The following LYPD6B variants were observed in gnomAD, a reference collection of about 807,000 sequenced individuals.
The protein encoded by LYPD6B is LY6/PLAUR domain containing 6B.
In LYPD6B, 17 loss-of-function variants were observed where a neutral mutation model predicts 22.8. The observed-to-expected ratio is 0.75, with a 90% CI of 0.51 to 1.12. The LOEUF is 1.12. LYPD6B is among the 50% of genes most tolerant of loss of function. LYPD6B has a pLI of 0.00. For synonymous variants in LYPD6B, 106 were observed against 91.6 expected (o/e 1.16, Z -0.90); for missense variants, 221 against 258.3 (o/e 0.86, Z 0.99).
At chr2:149,047,378 A>G (rs964731227) in intron 1 of LYPD6B, among the ~76,000 whole-genome samples, 3 of 152,130 alleles carry the variant, frequency 2.0e-5, no homozygotes, top group Non-Finnish European at 4.4e-5. Flanking sequence ...ATGGGTTGAC[A>G]ATTTAAAAAA....
chr2:149,157,774 T>A (rs190787466), intron 2 of LYPD6B, among the ~76,000 whole-genome samples: 16 of 152,324 alleles, frequency 1.1e-4, no homozygotes, highest in Admixed American at 1.0e-3. Context: ...TGAGGACCTA[T>A]GTTTGCACAC....
At chr2:149,098,472 A>G (rs1686011825) in intron 1 of LYPD6B, among the ~76,000 whole-genome samples, 1 of 151,736 alleles carries the variant, frequency 6.6e-6, no homozygotes, top group Non-Finnish European at 1.5e-5. Flanking sequence ...TAAAAATACG[A>G]AAAAATTAGC....
At chr2:149,111,409 A>C (rs1472897788) in intron 1 of LYPD6B, among the ~76,000 whole-genome samples, 1 of 152,114 alleles carries the variant, frequency 6.6e-6, no homozygotes, top group East Asian at 1.9e-4. Flanking sequence ...ATGAAAAATC[A>C]GTCTGATTTG....
chr2:149,208,711 A>T (rs1238264172), intron 5 of LYPD6B, among the ~76,000 whole-genome samples: 1 of 152,226 alleles, frequency 6.6e-6, no homozygotes, highest in Non-Finnish European at 1.5e-5. Flanking sequence ...CATCTCAACA[A>T]AGGATGATTT....
intron 2 of LYPD6B, among the ~76,000 whole-genome samples, chr2:149,143,435 C>T (rs559702763): frequency 1.7e-4 from 26 of 149,114 alleles, no homozygotes; most frequent in African/African-American, 5.7e-4. Context: ...TGAGAGAAAA[C>T]TACAAGACTA....
chr2:149,161,176 C>T (rs1425920603), intron 3 of LYPD6B, among the ~76,000 whole-genome samples: 2 of 152,018 alleles, frequency 1.3e-5, no homozygotes, highest in Non-Finnish European at 2.9e-5. Flanking sequence ...GATGGGGGTG[C>T]GTCGGGGGTG....
chr2:149,175,368 T>TA (rs1691220395), intron 3 of LYPD6B, among the ~76,000 whole-genome samples: 1 of 152,016 alleles, frequency 6.6e-6, no homozygotes, highest in South Asian at 2.1e-4. Context: ...GTATGAAAGA[T>TA]AAAAAATGGT....
rs372887157 is a variant in LYPD6B, at chr2:149,111,175, G to A, written c.-66-19708G>A. Among the ~76,000 whole-genome samples the A allele has an allele frequency of 1.1e-4, 17 of 152,254 alleles. 1 individual carries two copies. Among genetic ancestry groups the A allele is most frequent in the East Asian group, 9.7e-4 (5 of 5,174 alleles). On this transcript the variant is annotated intron_variant, in intron 1 of 6. Coordinates refer to ENST00000409642, the MANE Select transcript of LYPD6B (RefSeq NM_177964.5). ...GACCCCCAGGAGGATGGGGGATCACGTAAGGTTTTGCTGAAGGTGGTAAGA... is the reference window on the plus strand; with the variant it reads ...GACCCCCAGGAGGATGGGGGATCACATAAGGTTTTGCTGAAGGTGGTAAGA...
chr2:149,075,241 A>G (rs34673383), intron 1 of LYPD6B, among the ~76,000 whole-genome samples: 56,747 of 152,024 alleles, frequency 0.37, 10,772 homozygotes, highest in South Asian at 0.44. Context: ...TTTGGCACTC[A>G]CTGTTGCTTC....
intron 1 of LYPD6B, among the ~76,000 whole-genome samples, chr2:149,116,487 T>TCTC (rs1248042028): frequency 6.6e-6 from 1 of 152,172 alleles, no homozygotes; most frequent in Non-Finnish European, 1.5e-5. Flanking sequence ...TAGTGAGATA[T>TCTC]CTCCTAACCC....
At chr2:149,060,471 A>G (rs1453253231) in intron 1 of LYPD6B, among the ~76,000 whole-genome samples, 1 of 152,232 alleles carries the variant, frequency 6.6e-6, no homozygotes, top group East Asian at 1.9e-4. Flanking sequence ...AATCTCCTAC[A>G]CTGTGTATTA....
intron 1 of LYPD6B, among the ~76,000 whole-genome samples, chr2:149,130,211 C>T (rs1280535877): frequency 6.6e-6 from 1 of 152,202 alleles, no homozygotes; most frequent in Non-Finnish European, 1.5e-5. Flanking sequence ...TGCCAATCTA[C>T]TGATCTGTCC....
At chr2:149,146,436 A>G (rs1689030473) in intron 2 of LYPD6B, among the ~76,000 whole-genome samples, 1 of 152,186 alleles carries the variant, frequency 6.6e-6, no homozygotes, top group Non-Finnish European at 1.5e-5. Context: ...AACCTCAGAA[A>G]GAAGACTGTG....
chr2:149,118,159 G>C (rs542253625), intron 1 of LYPD6B: 1 of 152,370 alleles, frequency 6.6e-6, no homozygotes, highest in South Asian at 2.1e-4. Context: ...CTGCATAAGA[G>C]ACTAGCCAGG....
chr2:149,155,704 T>C (rs1689657580), intron 2 of LYPD6B, among the ~76,000 whole-genome samples: 1 of 152,180 alleles, frequency 6.6e-6, no homozygotes, highest in Non-Finnish European at 1.5e-5. Context: ...TCCATTTTAT[T>C]TTGCTCTCCC....
At chr2:149,137,844 T>C (rs1287414441) in intron 2 of LYPD6B, among the ~76,000 whole-genome samples, 2 of 152,228 alleles carry the variant, frequency 1.3e-5, no homozygotes, top group Admixed American at 1.3e-4. Context: ...GTCAAAGGAA[T>C]ACATATTTTA....
At chr2:149,050,972 C>T (rs562781516) in intron 1 of LYPD6B, among the ~76,000 whole-genome samples, 1 of 151,874 alleles carries the variant, frequency 6.6e-6, no homozygotes, top group African/African-American at 2.4e-5. Flanking sequence ...CAGATATTTT[C>T]CTACCACACA....
intron 1 of LYPD6B, among the ~76,000 whole-genome samples, chr2:149,056,912 G>A (rs1683826490): frequency 6.6e-6 from 1 of 152,114 alleles, no homozygotes; most frequent in Admixed American, 6.5e-5. Context: ...AAGCTTTGGG[G>A]GTCCTTCCTG....
intron 1 of LYPD6B, among the ~76,000 whole-genome samples, chr2:149,096,880 C>T (rs554085655): frequency 3.5e-4 from 53 of 152,226 alleles, no homozygotes; most frequent in Non-Finnish European, 7.1e-4. Flanking sequence ...CCTGGCCCAA[C>T]GGAAATAATT....
Sources: allele counts gnomAD v4.1 joint callset (sites outside exome capture counted in the v4.1 genomes callset), GRCh38; gene constraint gnomAD v4.1.1; transcripts MANE v1.5; gene names NCBI Gene and HGNC (gene_info 2026-07-23, HGNC 2026-07-21).